The following NAALADL2 variants were observed in gnomAD, a reference collection of about 807,000 sequenced individuals.
NAALADL2 encodes the protein inactive N-acetylated-alpha-linked acidic dipeptidase-like protein 2.
Under a neutral mutation model 87.2 loss-of-function variants are expected in NAALADL2, and 76 were observed. That is an observed-to-expected ratio of 0.87 (90% CI 0.72 to 1.05). The LOEUF (loss-of-function observed/expected upper bound fraction) is 1.05, where lower values mean the gene tolerates loss of function less well. Among genes scored for constraint, NAALADL2 ranks in the 50% least tolerant of loss-of-function variants. The pLI, the probability that NAALADL2 is intolerant of heterozygous loss-of-function variation, is 0.00. For missense variants in NAALADL2, 1,089 were observed against 945.8 expected (o/e 1.15, Z -1.99); for synonymous variants, 354 against 331.0 (o/e 1.07, Z -0.75).
chr3:175,731,582 G>C (rs1439383609), intron 11 of NAALADL2, among the ~76,000 whole-genome samples: 3 of 152,174 alleles, frequency 2.0e-5, no homozygotes, highest in Non-Finnish European at 4.4e-5. Flanking sequence ...TTCAGAGTGG[G>C]TAAGAATATG....
At chr3:175,058,671 G>A (rs1365019326) in intron 1 of NAALADL2, among the ~76,000 whole-genome samples, 1 of 152,116 alleles carries the variant, frequency 6.6e-6, no homozygotes, top group Non-Finnish European at 1.5e-5. Context: ...GTGGGAGCAA[G>A]ACATCTGTAT....
At chr3:175,787,310 CCTTCCT>C (rs1752149149) in intron 13 of NAALADL2, among the ~76,000 whole-genome samples, 1 of 152,066 alleles carries the variant, frequency 6.6e-6, no homozygotes, top group African/African-American at 2.4e-5. Flanking sequence ...CCTCCCCCAG[CCTTCCT>C]GCTGCCTTGC....
intron 1 of NAALADL2, among the ~76,000 whole-genome samples, chr3:174,550,359 G>T (rs775969322): frequency 6.6e-6 from 1 of 151,878 alleles, no homozygotes; most frequent in Non-Finnish European, 1.5e-5. Flanking sequence ...TATTGGTATA[G>T]TATCTAGACT....
intron 2 of NAALADL2, among the ~76,000 whole-genome samples, chr3:175,129,159 C>T (rs1457302886): frequency 6.6e-6 from 1 of 151,632 alleles, no homozygotes; most frequent in East Asian, 1.9e-4. Context: ...GTTGGCCAGA[C>T]TGGTTGAATT....
intron 9 of NAALADL2, among the ~76,000 whole-genome samples, chr3:175,535,869 T>C (rs1380992598): frequency 6.6e-6 from 1 of 152,206 alleles, no homozygotes; most frequent in East Asian, 1.9e-4. Flanking sequence ...TCTCAAGCAA[T>C]ATAAGTGCTT....
rs1747137171 is a variant in NAALADL2, at chr3:175,755,398, G to C, written c.2169G>C (p.Gln723His). ...TGGAGAAAAGCTTTCTGGTAAAGCAGGCACCACCAGGTTTTTATAGGTAGG... is the reference window on the plus strand; with the variant it reads ...TGGAGAAAAGCTTTCTGGTAAAGCACGCACCACCAGGTTTTTATAGGTAGG... ...QDMEKSFLVKQAPPGFYRNIL... is the reference protein window; with the variant it reads ...QDMEKSFLVKHAPPGFYRNIL... The change falls in exon 13 of 14, where the codon CAG becomes CAC. Residue 723 changes from glutamine (Q) to histidine (H), a missense_variant. Transcript: ENST00000454872. 1 of 1,599,550 alleles carries C rather than the reference G, an allele frequency of 6.3e-7. No individual in the cohort carries two copies. Among genetic ancestry groups the C allele is most frequent in the Non-Finnish European group, 8.5e-7 (1 of 1,171,888 alleles).
chr3:175,677,477 G>C (rs566519992), intron 11 of NAALADL2, among the ~76,000 whole-genome samples: 21 of 128,342 alleles, frequency 1.6e-4, no homozygotes, highest in African/African-American at 5.9e-4. Context: ...TAGTATAATG[G>C]GGTGTGTGTG....
intron 11 of NAALADL2, among the ~76,000 whole-genome samples, chr3:175,629,777 A>G (rs1727504938): frequency 6.6e-6 from 1 of 151,816 alleles, no homozygotes; most frequent in Non-Finnish European, 1.5e-5. Context: ...AATGGAGTAC[A>G]GGGGCACAGA....
At chr3:175,483,821 G>A (rs1016616893) in intron 9 of NAALADL2, among the ~76,000 whole-genome samples, 4 of 152,072 alleles carry the variant, frequency 2.6e-5, no homozygotes, top group South Asian at 2.1e-4. Context: ...TGACGCAAAC[G>A]TAATTGCTGG....
chr3:174,474,958 TA>T (rs1278634470), intron 1 of NAALADL2, among the ~76,000 whole-genome samples: 1 of 151,986 alleles, frequency 6.6e-6, no homozygotes, highest in African/African-American at 2.4e-5. Context: ...GCCCTTAGGA[TA>T]GATAAGATGT....
chr3:175,648,166 C>G (rs1196922900), intron 11 of NAALADL2, among the ~76,000 whole-genome samples: 3 of 152,154 alleles, frequency 2.0e-5, no homozygotes, highest in Non-Finnish European at 4.4e-5. Context: ...ACTACAAACA[C>G]TTATAACAAG....
At chr3:174,909,947 A>T (rs1733482615) in intron 1 of NAALADL2, among the ~76,000 whole-genome samples, 1 of 152,148 alleles carries the variant, frequency 6.6e-6, no homozygotes, top group African/African-American at 2.4e-5. Flanking sequence ...GATATTTTTT[A>T]AAATATACAT....
intron 1 of NAALADL2, among the ~76,000 whole-genome samples, chr3:174,448,993 A>T (rs946064952): frequency 6.6e-6 from 1 of 152,232 alleles, no homozygotes; most frequent in Non-Finnish European, 1.5e-5. Context: ...AGAAACCATA[A>T]ACATCAGTTC....
chr3:175,266,238 A>C (rs1751912653), intron 4 of NAALADL2, among the ~76,000 whole-genome samples: 1 of 151,102 alleles, frequency 6.6e-6, no homozygotes, highest in South Asian at 2.1e-4. Flanking sequence ...TGAATATTAT[A>C]ACCATCTAAC....
intron 1 of NAALADL2, among the ~76,000 whole-genome samples, chr3:174,918,392 C>T (rs575943608): frequency 6.6e-6 from 1 of 152,024 alleles, no homozygotes; most frequent in Admixed American, 6.6e-5. Flanking sequence ...TGGAAAAAAA[C>T]CGAATCCCTG....
At chr3:174,941,755 CTTCT>C (rs1185710895) in intron 1 of NAALADL2, among the ~76,000 whole-genome samples, 1 of 100,718 alleles carries the variant, frequency 9.9e-6, no homozygotes, top group South Asian at 2.9e-4. Context: ...ATATAATGTA[CTTCT>C]TTATGTTTTT....
intron 2 of NAALADL2, among the ~76,000 whole-genome samples, chr3:174,686,104 A>G (rs912292598): frequency 1.3e-5 from 2 of 151,804 alleles, no homozygotes; most frequent in African/African-American, 2.4e-5. Context: ...TATCTTTGCT[A>G]TTGTGTATAG....
intron 1 of NAALADL2, among the ~76,000 whole-genome samples, chr3:175,068,851 T>C (rs1177265930): frequency 6.6e-6 from 1 of 152,082 alleles, no homozygotes; most frequent in Non-Finnish European, 1.5e-5. Flanking sequence ...GTATCTTCCA[T>C]GGAAAACTCA....
intron 12 of NAALADL2, 22 bp downstream of exon 12, chr3:175,737,421 G>C: frequency 7.2e-7 from 1 of 1,384,452 alleles, no homozygotes; most frequent in East Asian, 2.3e-5. Context: ...TTGAATTATA[G>C]TAATTTTACC....
Sources: allele counts gnomAD v4.1 joint callset (sites outside exome capture counted in the v4.1 genomes callset), GRCh38; gene constraint gnomAD v4.1.1; transcripts MANE v1.5; gene names NCBI Gene and HGNC (gene_info 2026-07-23, HGNC 2026-07-21).